The following LYPD6B variants were observed in gnomAD, a reference collection of about 807,000 sequenced individuals.
LYPD6B encodes the protein LY6/PLAUR domain containing 6B, also known as ly6/PLAUR domain-containing protein 6B.
A neutral mutation model predicts 22.8 loss-of-function variants in LYPD6B; 17 were observed. The observed-to-expected ratio is 0.75, with a 90% confidence interval of 0.51 to 1.12. LYPD6B has a LOEUF of 1.12. LYPD6B is among the 50% of genes most tolerant of loss of function. LYPD6B has a pLI of 0.00. For missense variants in LYPD6B, 221 were observed against 258.3 expected, an observed-to-expected ratio of 0.86 and a Z score of 0.99; for synonymous variants, 106 against 91.6, an observed-to-expected ratio of 1.16 and a Z score of -0.90.
intron 3 of LYPD6B, among the ~76,000 whole-genome samples, chr2:149,197,537 A>G (rs1692890223): frequency 6.6e-6 from 1 of 152,194 alleles, no homozygotes; most frequent in African/African-American, 2.4e-5. Flanking sequence ...TGGCCAAATG[A>G]TGGATGCATC....
At chr2:149,095,923 CAG>C (rs962652859) in intron 1 of LYPD6B, among the ~76,000 whole-genome samples, 12 of 151,152 alleles carry the variant, frequency 7.9e-5, no homozygotes, top group South Asian at 2.1e-4. Flanking sequence ...CACACACAGA[CAG>C]AGAGAGGGAC....
rs140424753 is a variant in LYPD6B at position 149,158,456 on chromosome 2, G to A, written c.6-2308G>A. Among the ~76,000 whole-genome samples, 500 of 152,218 alleles carry A rather than the reference G, an allele frequency of 3.3e-3. 4 individuals carry two copies. The highest frequency in any genetic ancestry group is 0.01 in the African/African-American group (429 of 41,544). On this transcript the variant is annotated intron_variant, in intron 2 of 6. Transcript: ENST00000409642. Reference sequence around the variant, plus strand: ...TATTGTATGATTCCATTTATATGACGTACCTAGAATAGTCAAACTCAAAGA... The same window carrying A: ...TATTGTATGATTCCATTTATATGACATACCTAGAATAGTCAAACTCAAAGA...
chr2:149,205,491 G>A (rs959583426), intron 4 of LYPD6B, 87 bp downstream of exon 4: 22 of 1,367,688 alleles, frequency 1.6e-5, no homozygotes, highest in African/African-American at 4.4e-5. Flanking sequence ...TTGTAACTTC[G>A]TCTTTCCCAG....
chr2:149,194,732 A>T (rs1331408458), intron 3 of LYPD6B, among the ~76,000 whole-genome samples: 1 of 152,240 alleles, frequency 6.6e-6, no homozygotes, highest in African/African-American at 2.4e-5. Context: ...ACCAGCAGCC[A>T]GTGGAAAGGG....
At chr2:149,101,841 G>A (rs1686226894) in intron 1 of LYPD6B, among the ~76,000 whole-genome samples, 1 of 152,230 alleles carries the variant, frequency 6.6e-6, no homozygotes, top group African/African-American at 2.4e-5. Context: ...ATCAGAGGCA[G>A]GAACTCTGAT....
Position 149,084,813 on chromosome 2 carries a change from C to T in LYPD6B, c.-67+46012C>T, listed in dbSNP as rs554743149. Among the ~76,000 whole-genome samples the T allele has an allele frequency of 3.9e-5, 6 of 152,240 alleles. No individual in the cohort carries two copies. The South Asian group carries it at 6.2e-4, about 16-fold the overall frequency. ...TTTTCCCCTCTTAGTCCACCTTTCC[C>T]ATAGACTCTTAGCCTTGTCTGCCCT... is the stretch of plus-strand genomic sequence containing the variant. On this transcript the variant is annotated intron_variant, in intron 1 of 6. Coordinates refer to ENST00000409642, the MANE Select transcript of LYPD6B (RefSeq NM_177964.5).
intron 2 of LYPD6B, 63 bp downstream of exon 2, chr2:149,131,016 C>A (rs1004442886): frequency 8.6e-7 from 1 of 1,162,390 alleles, no homozygotes; most frequent in Admixed American, 1.7e-5. Context: ...AAATGCTTAC[C>A]ACATGAGCTA....
Position 149,061,137 on chromosome 2 carries a change from A to G in LYPD6B, c.-67+22336A>G, listed in dbSNP as rs528444163. Among the ~76,000 whole-genome samples, 28 of 151,898 alleles carry G rather than the reference A, an allele frequency of 1.8e-4. 1 individual carries two copies. The highest frequency in any genetic ancestry group is 1.8e-3 in the Admixed American group (28 of 15,278). ...ATACTTAATGGAAAGCTTGGAGATG[A>G]GCAGAGGTGTTTCAGCAGGCATGCT... On this transcript the variant is annotated intron_variant, in intron 1 of 6. Transcript: ENST00000409642.
At chr2:149,161,855 A>G (rs1690082876) in intron 3 of LYPD6B, among the ~76,000 whole-genome samples, 1 of 152,244 alleles carries the variant, frequency 6.6e-6, no homozygotes, top group Non-Finnish European at 1.5e-5. Flanking sequence ...AGTACAAAGC[A>G]GAATTCTGTA....
chr2:149,151,860 C>T (rs190087985), intron 2 of LYPD6B, among the ~76,000 whole-genome samples: 6 of 152,242 alleles, frequency 3.9e-5, no homozygotes, highest in Non-Finnish European at 8.8e-5. Context: ...TTCCATGGCT[C>T]CCATCTCCTG....
At chr2:149,091,383 A>ATATT (rs1685643453) in intron 1 of LYPD6B, among the ~76,000 whole-genome samples, 1 of 150,488 alleles carries the variant, frequency 6.6e-6, no homozygotes, top group Admixed American at 6.6e-5. Context: ...GAATACATAT[A>ATATT]TATTTATATA....
intron 1 of LYPD6B, among the ~76,000 whole-genome samples, chr2:149,076,578 A>G (rs948453546): frequency 2.0e-5 from 3 of 152,212 alleles, no homozygotes; most frequent in African/African-American, 7.2e-5. Flanking sequence ...TGGTAGTACT[A>G]TGTCCATTTT....
At chr2:149,066,506 T>G (rs1684341125) in intron 1 of LYPD6B, among the ~76,000 whole-genome samples, 1 of 152,062 alleles carries the variant, frequency 6.6e-6, no homozygotes, top group African/African-American at 2.4e-5. Context: ...GGACATGAAC[T>G]CATCATTTTT....
chr2:149,122,003 G>A (rs115309706), intron 1 of LYPD6B, among the ~76,000 whole-genome samples: 290 of 152,292 alleles, frequency 1.9e-3, no homozygotes, highest in African/African-American at 6.8e-3. Context: ...AACCCCAAAC[G>A]AGAAAGAAAC....
rs770519663 is a variant in LYPD6B at position 149,214,593 on chromosome 2, C to T, written c.507C>T (p.Pro169=). 1.9e-6 allele frequency: 3 copies of T among 1,613,732 alleles called. No homozygotes were observed. The East Asian group carries it at 6.7e-5, about 36-fold the overall frequency. ...GAATGATCTGCAATGTAGAATTACC[C>T]ACCAATCACACTAATGCAGTGTTTG... ...CEGMICNVEL[P]TNHTNAVFAV... The change falls in exon 7 of 7, where the codon CCC becomes CCT. Residue 169 remains proline (P), a synonymous_variant. Transcript: ENST00000409642.
chr2:149,185,520 C>A (rs967021530), intron 3 of LYPD6B, among the ~76,000 whole-genome samples: 1 of 152,126 alleles, frequency 6.6e-6, no homozygotes, highest in Non-Finnish European at 1.5e-5. Context: ...GGAAAGTAAG[C>A]AATTAGGGAA....
chr2:149,150,852 A>G (rs1433371068), intron 2 of LYPD6B, among the ~76,000 whole-genome samples: 4 of 151,924 alleles, frequency 2.6e-5, no homozygotes, highest in East Asian at 1.9e-4. Flanking sequence ...CCCTTCACAA[A>G]TATTTCTACT....
intron 1 of LYPD6B, among the ~76,000 whole-genome samples, chr2:149,045,971 C>G (rs1416177857): frequency 2.0e-5 from 3 of 152,050 alleles, no homozygotes; most frequent in Non-Finnish European, 4.4e-5. Context: ...TTCTCTATAA[C>G]CAAGAGAGGA....
intron 1 of LYPD6B, among the ~76,000 whole-genome samples, chr2:149,098,765 C>CTTTTTTT (rs10658424): frequency 7.1e-6 from 1 of 140,116 alleles, no homozygotes; most frequent in Admixed American, 7.1e-5. Flanking sequence ...TGTGCTTTTT[C>CTTTTTTT]TTTTTTTTTT....
Sources: allele counts gnomAD v4.1 joint callset (sites outside exome capture counted in the v4.1 genomes callset), GRCh38; gene constraint gnomAD v4.1.1; transcripts MANE v1.5; gene names NCBI Gene and HGNC (gene_info 2026-07-23, HGNC 2026-07-21).